Variants in LYSMD4 observed in about 807,000 individuals in gnomAD.
LYSMD4 encodes lysM and putative peptidoglycan-binding domain-containing protein 4.
A neutral mutation model predicts 6.1 loss-of-function variants in LYSMD4; 9 were observed. The observed-to-expected ratio is 1.47, with a 90% CI of 0.88 to 2.56. LYSMD4 has a LOEUF of 2.56. LYSMD4 is among the 30% of genes most tolerant of loss of function. The pLI is 0.00. For synonymous variants in LYSMD4, 143 were observed against 148.5 expected (o/e 0.96, Z 0.27); for missense variants, 384 against 373.5 (o/e 1.03, Z -0.23).
At position 99,728,785 on chromosome 15, in the gene LYSMD4, G is replaced by A. The variant is rs140177628; in HGVS notation, c.*338C>T. ...CTGGCTCTCACGCTGCAGGTCCCTC[G>A]ACAGAGGCCATAAATCTTTCCCTCC... On this transcript the variant is annotated 3_prime_UTR_variant, in exon 3 of 3. Transcript: ENST00000684762. 39 of 306,466 alleles carry A rather than the reference G, an allele frequency of 1.3e-4. No individual in the cohort carries two copies. Among genetic ancestry groups the A allele is most frequent in the African/African-American group, 6.1e-4 (29 of 47,738 alleles). The allele number at this position is 306,466 out of a possible 1,614,324, so 19.0% of individuals were successfully genotyped here.
chr15:99,718,408 A>G (rs903131624), upstream of LYSMD4, among the ~76,000 whole-genome samples: 4 of 138,772 alleles, frequency 2.9e-5, no homozygotes, highest in Admixed American at 7.5e-5. Context: ...TAATTGATAC[A>G]TATATTGGGG....
At chr15:99,733,245 GC>G (rs2059467312) in intron 1 of LYSMD4, 99 bp downstream of exon 1, 1 of 378,030 alleles carries the variant, frequency 2.6e-6, no homozygotes, top group South Asian at 1.4e-4. Context: ...GGGAGGGGCG[GC>G]CCGCCCGCGA....
At chr15:99,726,487 A>C (rs1597382361), downstream of LYSMD4, among the ~76,000 whole-genome samples, 2 of 148,782 alleles carry the variant, frequency 1.3e-5, no homozygotes, top group East Asian at 2.0e-4. Flanking sequence ...ATCTCCTCCC[A>C]CCCCTCCCCT....
upstream of LYSMD4, among the ~76,000 whole-genome samples, chr15:99,718,513 T>C (rs1262396215): frequency 6.6e-6 from 1 of 152,258 alleles, no homozygotes; most frequent in Non-Finnish European, 1.5e-5. Flanking sequence ...CATTTATTCA[T>C]TGGAATTCTG....
At position 99,733,412 on chromosome 15, in the gene LYSMD4, T is replaced by C. The variant is rs11631604; in HGVS notation, c.-76A>G. The C allele has an allele frequency of 0.66, 262,300 of 394,804 alleles. 87,971 individuals carry two copies. Among genetic ancestry groups the C allele is most frequent in the African/African-American group, 0.75 (36,224 of 48,390 alleles). 24.5% of individuals were successfully genotyped at this position (394,804 alleles called of 1,614,324 possible). On this transcript the variant is annotated 5_prime_UTR_variant, in exon 1 of 3. Coordinates refer to ENST00000684762, the MANE Select transcript of LYSMD4 (RefSeq NM_001284417.2). ...CGACCCGCGACCCGCGACCCGCAGC[T>C]GCCACCGCGCCTGCGGATTGGCTAC...
At chr15:99,720,259 T>C (rs1463780315), upstream of LYSMD4, among the ~76,000 whole-genome samples, 1 of 152,238 alleles carries the variant, frequency 6.6e-6, no homozygotes, top group Admixed American at 6.5e-5. Context: ...GTTTCATCTT[T>C]TACTTTTAGA....
upstream of LYSMD4, among the ~76,000 whole-genome samples, chr15:99,718,318 T>G (rs977004650): frequency 6.6e-6 from 1 of 152,230 alleles, no homozygotes; most frequent in Admixed American, 6.5e-5. Context: ...GGTGTCTTAT[T>G]CCAGGCGATA....
upstream of LYSMD4, among the ~76,000 whole-genome samples, chr15:99,721,613 G>C (rs941195062): frequency 6.6e-6 from 1 of 152,172 alleles, no homozygotes; most frequent in African/African-American, 2.4e-5. Context: ...ATCCAGTCCA[G>C]GCTCACAAAT....
chr15:99,723,161 T>G (rs1474559780), downstream of LYSMD4, among the ~76,000 whole-genome samples: 1 of 151,676 alleles, frequency 6.6e-6, no homozygotes, highest in Non-Finnish European at 1.5e-5. Context: ...GAATAAAATA[T>G]AAATGAGCTA....
chr15:99,729,411 G>A lies in LYSMD4; in HGVS notation c.603C>T (p.Leu201=). The A allele has an allele frequency of 6.2e-7, 1 of 1,614,204 alleles. No homozygotes were observed. The highest frequency in any genetic ancestry group is 8.5e-7 in the Non-Finnish European group (1 of 1,180,036). The part of the protein sequence containing the change: ...YCMDTSHQPL[L]PAPPKTPMDG... The stretch of plus-strand genomic sequence containing the variant: ...CCATAGGCGTCTTCGGAGGTGCCGG[G>A]AGCAGTGGCTGATGGGAGGTGTCCA... The change falls in exon 3 of 3, where the codon CTC becomes CTT. Residue 201 remains leucine, a synonymous_variant. Transcript: ENST00000684762.
upstream of LYSMD4, among the ~76,000 whole-genome samples, chr15:99,719,853 A>G (rs1331841655): frequency 6.6e-6 from 1 of 152,182 alleles, no homozygotes; most frequent in Non-Finnish European, 1.5e-5. Context: ...AACAGAGTGC[A>G]GTCCTATTTT....
At position 99,729,525 on chromosome 15, in the gene LYSMD4, G is replaced by A. The variant is rs774908495; in HGVS notation, c.489C>T (p.Ala163=). 46 of 1,614,092 alleles carry A rather than the reference G, an allele frequency of 2.8e-5. No individual in the cohort carries two copies. The highest frequency in any genetic ancestry group is 1.6e-4 in the East Asian group (7 of 44,880). Residue 163 remains alanine (A), a synonymous_variant, in exon 3 of 3, where the codon GCC becomes GCT. Transcript: ENST00000684762. ...CCTTAAAGAAGCCCATCAGTTGGCC[G>A]GCCTGGGCACCGGTGCCCGCGCCTG... ...DRAGAGTGAQ[A]GQLMGFFKGI...
At chr15:99,732,354 G>C (rs1389367708) in intron 1 of LYSMD4, among the ~76,000 whole-genome samples, 1 of 152,176 alleles carries the variant, frequency 6.6e-6, no homozygotes, top group Non-Finnish European at 1.5e-5. Context: ...GGCAAGTAAG[G>C]GCTGCCGCCA....
At chr15:99,730,094 C>T (rs1031518165) in intron 2 of LYSMD4, among the ~76,000 whole-genome samples, 12 of 152,242 alleles carry the variant, frequency 7.9e-5, no homozygotes, top group Admixed American at 5.2e-4. Flanking sequence ...GCCTTTTCCA[C>T]CTTTCACTTT....
chr15:99,731,896 G>A lies in LYSMD4; in HGVS notation c.104C>T (p.Ser35Leu), dbSNP rs773331910. 6.2e-6 allele frequency: 10 copies of A among 1,613,528 alleles called. No individual in the cohort carries two copies. The highest frequency in any genetic ancestry group is 3.3e-5 in the South Asian group (3 of 91,062). ...VYMFKNGSGD[S>L]GDSSEEESHR... ...AGACTCTTCTTCAGAAGAGTCCCCC[G>A]AGTCCCCACTGCCATTCTTAAACAT... The change falls in exon 2 of 3, where the codon TCG becomes TTG. Residue 35 changes from serine (S) to leucine (L), a missense_variant. Ser to Leu is a moderately radical substitution (Grantham distance 145). Transcript: ENST00000684762.
At chr15:99,733,322 C>A in intron 1 of LYSMD4, 23 bp downstream of exon 1, 2 of 391,794 alleles carry the variant, frequency 5.1e-6, no homozygotes, top group Non-Finnish European at 9.0e-6. Flanking sequence ...CAGACCGCGG[C>A]CCCCTCGTCC....
upstream of LYSMD4, among the ~76,000 whole-genome samples, chr15:99,722,016 T>C (rs971300052): frequency 6.6e-6 from 1 of 152,016 alleles, no homozygotes; most frequent in Non-Finnish European, 1.5e-5. Flanking sequence ...AGGGGGAAGC[T>C]GGACAGAGAT....
intron 1 of LYSMD4, 48 bp from the exon 2 acceptor site, chr15:99,732,055 C>A: frequency 6.7e-7 from 1 of 1,490,144 alleles, no homozygotes; most frequent in South Asian, 1.3e-5. Flanking sequence ...ATAATCATCC[C>A]TCCACCGCCT....
chr15:99,723,640 T>C (rs2059254761), downstream of LYSMD4, among the ~76,000 whole-genome samples: 1 of 152,244 alleles, frequency 6.6e-6, no homozygotes, highest in Non-Finnish European at 1.5e-5. Flanking sequence ...TATGGCCCTG[T>C]GGGGCCTGGT....
Sources: gnomAD v4.1 joint callset for allele counts (sites outside exome capture counted in the v4.1 genomes callset) on GRCh38, gnomAD v4.1.1 for gene constraint, MANE v1.5 for transcripts, NCBI Gene and HGNC (gene_info 2026-07-23, HGNC 2026-07-21) for gene names.